Variants in ACYP2 observed in about 807,000 individuals in gnomAD.
ACYP2 encodes acylphosphatase 2.
ACYP2 carries 12 observed loss-of-function variants against 11.2 expected under a neutral mutation model. That is an observed-to-expected ratio of 1.08 (90% CI 0.69 to 1.74). ACYP2 has a LOEUF of 1.74. ACYP2 is among the 40% of genes most tolerant of loss of function. ACYP2 has a pLI of 0.00. For missense variants in ACYP2, 134 were observed against 101.9 expected, an observed-to-expected ratio of 1.31 and a Z score of -1.35; for synonymous variants, 43 against 32.2, an observed-to-expected ratio of 1.33 and a Z score of -1.13.
At chr2:54,097,866 C>G (rs998554070) in intron 4 of ACYP2, among the ~76,000 whole-genome samples, 2 of 105,844 alleles carry the variant, frequency 1.9e-5, no homozygotes, top group Non-Finnish European at 3.9e-5. Flanking sequence ...TTCTTTCTTT[C>G]TCTTTCTCTC....
At chr2:54,027,349 A>T (rs1490338153) in intron 2 of ACYP2, among the ~76,000 whole-genome samples, 1 of 152,114 alleles carries the variant, frequency 6.6e-6, no homozygotes, top group East Asian at 1.9e-4. Flanking sequence ...TTTCCCCCAG[A>T]AGGCTGTCAT....
At chr2:53,999,449 A>G (rs1045248893) in intron 2 of ACYP2, among the ~76,000 whole-genome samples, 1 of 152,208 alleles carries the variant, frequency 6.6e-6, no homozygotes, top group African/African-American at 2.4e-5. Context: ...AGTCAAAATC[A>G]GAGAGGAACT....
chr2:54,205,032 A>C (rs560336608), intron 6 of ACYP2, among the ~76,000 whole-genome samples: 8 of 151,944 alleles, frequency 5.3e-5, no homozygotes, highest in Non-Finnish European at 1.2e-4. Context: ...CCCCTTAAAC[A>C]TTCTTATTAC....
At chr2:54,062,250 T>A (rs1676511354) in intron 4 of ACYP2, among the ~76,000 whole-genome samples, 1 of 152,204 alleles carries the variant, frequency 6.6e-6, no homozygotes, top group South Asian at 2.1e-4. Context: ...CTTGAACGAC[T>A]CCCTTGCTAC....
chr2:54,076,722 G>A (rs1454731603), intron 4 of ACYP2, among the ~76,000 whole-genome samples: 1 of 152,176 alleles, frequency 6.6e-6, no homozygotes, highest in Admixed American at 6.5e-5. Flanking sequence ...GGGAGGGAGA[G>A]AGAGAGAGGG....
chr2:53,978,987 G>A (rs886249602), intron 2 of ACYP2, among the ~76,000 whole-genome samples: 2 of 151,698 alleles, frequency 1.3e-5, no homozygotes, highest in Admixed American at 6.6e-5. Flanking sequence ...AATAATAAAC[G>A]ACTGTTACTA....
Position 54,149,892 on chromosome 2 carries a change from A to G in ACYP2, c.404+11144A>G, listed in dbSNP as rs145499397. ...AGCTGGAGAAAAAATACTTGAAATC[A>G]TGATAGCTTCCTTCAAGTATTTGAA... On this transcript the variant is annotated intron_variant, in intron 6 of 6. Coordinates refer to ENST00000607452, the MANE Select transcript of ACYP2 (RefSeq NM_001320586.2). Among the ~76,000 whole-genome samples the G allele has an allele frequency of 1.3e-3, 191 of 152,358 alleles. 1 individual carries two copies. The highest frequency in any genetic ancestry group is 4.4e-3 in the African/African-American group (185 of 41,592).
intron 6 of ACYP2, chr2:54,255,030 C>A: frequency 6.2e-7 from 1 of 1,614,132 alleles, no homozygotes; most frequent in Non-Finnish European, 8.5e-7. Context: ...GTGGATTTGA[C>A]CAGAGGTCCT....
intron 2 of ACYP2, among the ~76,000 whole-genome samples, chr2:54,020,071 G>C (rs906085557): frequency 2.0e-5 from 3 of 151,914 alleles, no homozygotes; most frequent in African/African-American, 7.3e-5. Flanking sequence ...TGAGTAGCTA[G>C]GATTATAGGT....
At chr2:54,020,334 A>T (rs930853131) in intron 2 of ACYP2, among the ~76,000 whole-genome samples, 2 of 152,260 alleles carry the variant, frequency 1.3e-5, no homozygotes, top group African/African-American at 4.8e-5. Context: ...AGGAAGTATC[A>T]GTACAATACT....
intron 6 of ACYP2, among the ~76,000 whole-genome samples, chr2:54,263,681 G>A (rs1325433300): frequency 6.6e-6 from 1 of 152,190 alleles, no homozygotes; most frequent in African/African-American, 2.4e-5. Context: ...GGAGTATAGA[G>A]TTGCTCCTTC....
chr2:54,001,269 G>A (rs1458632492), intron 2 of ACYP2, among the ~76,000 whole-genome samples: 1 of 152,142 alleles, frequency 6.6e-6, no homozygotes, highest in Non-Finnish European at 1.5e-5. Context: ...GCTAAGGTGG[G>A]AGGAATACTT....
chr2:54,280,700 T>C (rs1391038083), intron 6 of ACYP2, among the ~76,000 whole-genome samples: 1 of 152,258 alleles, frequency 6.6e-6, no homozygotes, highest in Non-Finnish European at 1.5e-5. Flanking sequence ...CTTGGTGGTC[T>C]GTGACAACCT....
At chr2:54,076,136 T>A (rs890912984) in intron 4 of ACYP2, among the ~76,000 whole-genome samples, 3 of 152,210 alleles carry the variant, frequency 2.0e-5, no homozygotes, top group Non-Finnish European at 4.4e-5. Flanking sequence ...TAGTTTTTCA[T>A]ATGTAAAATA....
At chr2:54,002,952 ATTT>A (rs1422586030) in intron 2 of ACYP2, among the ~76,000 whole-genome samples, 2 of 146,900 alleles carry the variant, frequency 1.4e-5, no homozygotes, top group Non-Finnish European at 3.0e-5. Context: ...CTGGCCTTTT[ATTT>A]TTTATTTTTT....
intron 2 of ACYP2, among the ~76,000 whole-genome samples, chr2:54,019,499 G>A (rs1477515346): frequency 6.6e-6 from 1 of 151,112 alleles, no homozygotes; most frequent in Non-Finnish European, 1.5e-5. Flanking sequence ...GCCTCGTTTT[G>A]CATACTGCCC....
intron 2 of ACYP2, chr2:54,029,456 C>G: frequency 3.4e-6 from 1 of 290,456 alleles, no homozygotes. Flanking sequence ...TGTATATGTA[C>G]ACACACATAT....
chr2:53,978,217 G>A (rs1292576413), intron 2 of ACYP2, among the ~76,000 whole-genome samples: 1 of 150,530 alleles, frequency 6.6e-6, no homozygotes, highest in Non-Finnish European at 1.5e-5. Context: ...AGCTGAGATC[G>A]TGCCACTGCA....
intron 6 of ACYP2, chr2:54,255,743 AC>A: frequency 1.2e-6 from 2 of 1,611,500 alleles, no homozygotes; most frequent in Non-Finnish European, 8.5e-7. Context: ...TCAGACTCCG[AC>A]CTCCCTGCCC....
Sources: allele counts gnomAD v4.1 joint callset (sites outside exome capture counted in the v4.1 genomes callset), GRCh38; gene constraint gnomAD v4.1.1; transcripts MANE v1.5; gene names NCBI Gene and HGNC (gene_info 2026-07-23, HGNC 2026-07-21).